CTNNA2: variants seen among roughly 807,000 people sequenced by gnomAD.
The protein encoded by CTNNA2 is catenin alpha-2.
A neutral mutation model predicts 101.0 loss-of-function variants in CTNNA2; 42 were observed. The observed-to-expected ratio is 0.42, with a 90% CI of 0.32 to 0.54. CTNNA2 has a LOEUF of 0.54. Among genes scored for constraint, CTNNA2 ranks in the 20% least tolerant of loss-of-function variants. The probability of loss-of-function intolerance (pLI) is 0.14; values close to 1 mark genes in which losing one functional copy is unlikely to be tolerated. For synonymous variants in CTNNA2, 450 were observed against 456.4 expected (o/e 0.99, Z 0.18); for missense variants, 871 against 1,223.1 (o/e 0.71, Z 4.29).
intron 3 of CTNNA2, among the ~76,000 whole-genome samples, chr2:79,780,895 A>T (rs1176968124): frequency 3.3e-5 from 5 of 152,190 alleles, no homozygotes; most frequent in Non-Finnish European, 5.9e-5. Flanking sequence ...TGTTTTAAGC[A>T]CTGACTTATA....
intron 7 of CTNNA2, among the ~76,000 whole-genome samples, chr2:80,002,585 G>T (rs1693025676): frequency 6.6e-6 from 1 of 152,132 alleles, no homozygotes; most frequent in Non-Finnish European, 1.5e-5. Flanking sequence ...GGCAGGGAAA[G>T]GAAGGATGAA....
chr2:80,083,830 T>C (rs557249556), intron 7 of CTNNA2, among the ~76,000 whole-genome samples: 2 of 152,298 alleles, frequency 1.3e-5, no homozygotes, highest in African/African-American at 4.8e-5. Flanking sequence ...GAATTTTTAA[T>C]ATTCCTGTCA....
chr2:79,603,832 A>T (rs1677708080), intron 1 of CTNNA2, among the ~76,000 whole-genome samples: 1 of 152,144 alleles, frequency 6.6e-6, no homozygotes, highest in Admixed American at 6.5e-5. Flanking sequence ...GAGCTATAGT[A>T]TGTACATACC....
intron 3 of CTNNA2, among the ~76,000 whole-genome samples, chr2:79,756,192 CTT>C (rs1672387587): frequency 6.6e-6 from 1 of 152,104 alleles, no homozygotes; most frequent in Non-Finnish European, 1.5e-5. Flanking sequence ...ATGCTATATT[CTT>C]TCAGCAAAAA....
chr2:80,017,978 G>A (rs866367373), intron 7 of CTNNA2, among the ~76,000 whole-genome samples: 37 of 151,882 alleles, frequency 2.4e-4, no homozygotes, highest in African/African-American at 8.9e-4. Context: ...GATAATAGAT[G>A]CAAAAAGTTT....
chr2:80,308,572 G>C (rs1427248450), intron 7 of CTNNA2, among the ~76,000 whole-genome samples: 1 of 152,166 alleles, frequency 6.6e-6, no homozygotes, highest in African/African-American at 2.4e-5. Context: ...TGGAGAGGCT[G>C]AGGGTGGGGG....
At chr2:80,527,149 T>C (rs1400196742) in intron 9 of CTNNA2, among the ~76,000 whole-genome samples, 1 of 152,240 alleles carries the variant, frequency 6.6e-6, no homozygotes, top group African/African-American at 2.4e-5. Context: ...TAGGACTTTC[T>C]AATTAAAAGT....
intron 2 of CTNNA2, among the ~76,000 whole-genome samples, chr2:79,285,326 G>A (rs1194773270): frequency 1.3e-5 from 2 of 150,394 alleles, no homozygotes; most frequent in Non-Finnish European, 3.0e-5. Context: ...TGCTTTTCTA[G>A]TTCCTTTAAT....
rs1553402056 is a variant in CTNNA2, at chr2:79,914,186, A to AAAAG, written c.1056+4394_1056+4397dup. On this transcript the variant is annotated intron_variant, in intron 7 of 18. Coordinates refer to ENST00000402739, the MANE Select transcript of CTNNA2 (RefSeq NM_001282597.3). ...CGTCTCAAAAAAAAAAAAAAAAAAA[A>AAAAG]AAAGAAAGTAGCTTACTTGGCAATG... Among the ~76,000 whole-genome samples the AAAAG allele has an allele frequency of 1.3e-3, 192 of 144,930 alleles. 11 individuals are homozygous for AAAAG. Among genetic ancestry groups the AAAAG allele is most frequent in the Non-Finnish European group, 1.4e-3 (94 of 66,848 alleles).
At chr2:80,505,687 C>A (rs185711330) in intron 9 of CTNNA2, among the ~76,000 whole-genome samples, 1 of 152,308 alleles carries the variant, frequency 6.6e-6, no homozygotes, top group East Asian at 1.9e-4. Flanking sequence ...TTGTTCCCAA[C>A]GTCCAGTAAG....
intron 1 of CTNNA2, among the ~76,000 whole-genome samples, chr2:79,578,579 G>A (rs1023084847): frequency 6.6e-6 from 1 of 152,078 alleles, no homozygotes; most frequent in Non-Finnish European, 1.5e-5. Flanking sequence ...GTAGGGATCT[G>A]ATTATTTTTT....
chr2:79,219,673 G>A (rs966755787), intron 2 of CTNNA2, among the ~76,000 whole-genome samples: 2 of 152,106 alleles, frequency 1.3e-5, no homozygotes, highest in Non-Finnish European at 2.9e-5. Flanking sequence ...GATATTCGTG[G>A]ATCATAAAAG....
At chr2:79,528,333 T>C (rs549942232) in intron 1 of CTNNA2, among the ~76,000 whole-genome samples, 3 of 152,104 alleles carry the variant, frequency 2.0e-5, no homozygotes, top group African/African-American at 7.2e-5. Context: ...CCCTTTGGTC[T>C]CCACAGTAGC....
intron 7 of CTNNA2, among the ~76,000 whole-genome samples, chr2:79,994,379 G>T (rs1056783062): frequency 2.6e-5 from 4 of 152,180 alleles, no homozygotes; most frequent in Admixed American, 6.5e-5. Context: ...TTTACCTGCT[G>T]TACTTTGTCG....
chr2:79,986,897 G>A (rs2103869717), intron 7 of CTNNA2, among the ~76,000 whole-genome samples: 1 of 152,288 alleles, frequency 6.6e-6, no homozygotes, highest in Non-Finnish European at 1.5e-5. Flanking sequence ...ATTTAATCCA[G>A]AATGTAACAG....
Position 80,648,680 on chromosome 2 carries a change from G to A in CTNNA2, c.*808G>A, listed in dbSNP as rs1243363867. The A allele has an allele frequency of 6.6e-6, 1 of 152,134 alleles. No homozygotes were observed. The highest frequency in any genetic ancestry group is 2.4e-5 in the African/African-American group (1 of 41,430). The allele number at this position is 152,134 out of a possible 1,614,324, so 9.4% of individuals were successfully genotyped here. A position where few individuals can be genotyped will look rare whatever the true frequency, so the allele number is the denominator to read the frequency against. The stretch of plus-strand genomic sequence containing the variant: ...TTAGAGGGAAGGAAACTGACAACGT[G>A]TGAAAGTTAGAGGCAAATACATAGG... On this transcript the variant is annotated 3_prime_UTR_variant, in exon 19 of 19. Transcript: ENST00000402739.
chr2:79,380,211 A>G (rs1192629899), intron 4 of CTNNA2, among the ~76,000 whole-genome samples: 2 of 151,984 alleles, frequency 1.3e-5, no homozygotes, highest in African/African-American at 4.8e-5. Flanking sequence ...AAAAGGTATC[A>G]CAGGGAATAA....
At chr2:80,159,775 G>A (rs143984473) in intron 7 of CTNNA2, among the ~76,000 whole-genome samples, 17 of 152,172 alleles carry the variant, frequency 1.1e-4, no homozygotes, top group African/African-American at 2.9e-4. Flanking sequence ...TGCCTGGCCC[G>A]TAACTTCTTT....
intron 18 of CTNNA2, among the ~76,000 whole-genome samples, chr2:80,646,730 A>AT (rs1418821778): frequency 2.0e-5 from 3 of 152,066 alleles, no homozygotes; most frequent in Admixed American, 6.6e-5. Context: ...AAGTCTGGTG[A>AT]TGGGCCTCTA....
Sources: gnomAD v4.1 joint callset for allele counts (sites outside exome capture counted in the v4.1 genomes callset) on GRCh38, gnomAD v4.1.1 for gene constraint, MANE v1.5 for transcripts, NCBI Gene and HGNC (gene_info 2026-07-23, HGNC 2026-07-21) for gene names.